The following SMAD7 variants were observed in gnomAD, a reference collection of about 807,000 sequenced individuals.
The protein encoded by SMAD7 is MAD (mothers against decapentaplegic, Drosophila) homolog 7.
Under a neutral mutation model 38.7 loss-of-function variants are expected in SMAD7, and 8 were observed. The observed-to-expected ratio is 0.21, with a 90% CI of 0.12 to 0.37. The LOEUF is 0.37. Among genes scored for constraint, SMAD7 ranks in the 10% least tolerant of loss-of-function variants. The pLI is 1.00. For missense variants in SMAD7, 477 were observed against 577.9 expected (o/e 0.83, Z 1.79); for synonymous variants, 327 against 265.1 (o/e 1.23, Z -2.27).
intron 3 of SMAD7, among the ~76,000 whole-genome samples, chr18:48,941,626 C>T (rs1171709459): frequency 3.3e-5 from 5 of 152,176 alleles, no homozygotes; most frequent in Non-Finnish European, 5.9e-5. Flanking sequence ...TTTTTAAGGT[C>T]GTTTTCCCTC....
In SMAD7 at chr18:48,950,274, C is replaced by T. The variant is rs1209988822; in HGVS notation, c.151G>A (p.Gly51Ser). 2.6e-6 allele frequency: 4 copies of T among 1,524,944 alleles called. No homozygotes were observed. Among genetic ancestry groups the T allele is most frequent in the Middle Eastern group, 1.7e-4 (1 of 5,774 alleles). 94.5% of individuals were successfully genotyped at this position (1,524,944 alleles called of 1,614,324 possible). Reference protein sequence around the residue: ...GATDSRAHGAGGGGPGRAGCC... With the variant: ...GATDSRAHGASGGGPGRAGCC... ...CCAGCCCTGCCCGGGCCGCCGCCAC[C>T]GGCCCCATGCGCTCGGCTGTCCGTC... The change falls in exon 1 of 4, where the codon GGT (glycine) becomes AGT (serine). Residue 51 changes from glycine to serine, a missense_variant. Physicochemically the swap from Gly to Ser is moderately conservative, Grantham distance 56. This residue lies in a region of SMAD7 where 376 missense variants were observed against 379.4 expected (regional missense o/e 0.99). Coordinates refer to ENST00000262158, the MANE Select transcript of SMAD7 (RefSeq NM_005904.4).
intron 1 of SMAD7, 195 bp from the exon 2 acceptor site, chr18:48,948,632 C>A (rs574276293): frequency 7.2e-6 from 3 of 419,420 alleles, no homozygotes; most frequent in Non-Finnish European, 1.3e-5. Flanking sequence ...CCAGCCTCGG[C>A]GCTCCGCTCC....
At chr18:48,936,117 CCA>C (rs1413249314) in intron 3 of SMAD7, among the ~76,000 whole-genome samples, 1 of 14,244 alleles carries the variant, frequency 7.0e-5, no homozygotes, top group Non-Finnish European at 1.3e-4. Flanking sequence ...CACACACACA[CCA>C]CACACACACA....
intron 2 of SMAD7, among the ~76,000 whole-genome samples, chr18:48,944,917 C>G (rs2070179605): frequency 6.6e-6 from 1 of 152,330 alleles, no homozygotes; most frequent in East Asian, 1.9e-4. Context: ...AAGACTCATT[C>G]CTTTCTCCGA....
chr18:48,941,585 C>T (rs1438729069), intron 3 of SMAD7, among the ~76,000 whole-genome samples: 1 of 152,186 alleles, frequency 6.6e-6, no homozygotes, highest in East Asian at 1.9e-4. Flanking sequence ...CAAGGAAATG[C>T]CAAATGCCCA....
chr18:48,921,614 G>T lies in SMAD7; in HGVS notation c.1039C>A (p.Leu347Met). The T allele has an allele frequency of 6.2e-7, 1 of 1,613,452 alleles. No homozygotes were observed. Among genetic ancestry groups the T allele is most frequent in the Non-Finnish European group, 8.5e-7 (1 of 1,179,312 alleles). Residue 347 changes from leucine (L) to methionine (M), a missense_variant, in exon 4 of 4, where the codon CTG becomes ATG. This residue lies in a region of SMAD7 where 101 missense variants were observed against 198.5 expected (regional missense o/e 0.51). Coordinates refer to ENST00000262158, the MANE Select transcript of SMAD7 (RefSeq NM_005904.4). This position sits in a 1 kb window ranked among gnomAD's most constrained non-coding sequence, Gnocchi z 6.4. ...AGCGTCCTGGAGTCCGGGTTGTCCA[G>T]TGTGGCGGACTTGATGAAGATGGGG... ...SYPIFIKSAT[L>M]DNPDSRTLLV...
chr18:48,929,991 G>A (rs1053114776), intron 3 of SMAD7: 1 of 152,032 alleles, frequency 6.6e-6, no homozygotes, highest in Non-Finnish European at 1.5e-5. Flanking sequence ...AAAACTGTTG[G>A]ATGGGATGGC....
rs200233784 is a variant in SMAD7 at position 48,921,477 on chromosome 18, G to A, written c.1176C>T (p.Gly392=). 5.0e-6 allele frequency: 8 copies of A among 1,614,192 alleles called. No homozygotes were observed. Among genetic ancestry groups the A allele is most frequent in the African/African-American group, 1.3e-5 (1 of 75,068 alleles). Residue 392 remains glycine, a synonymous_variant, in exon 4 of 4, where the codon GGC becomes GGT. Coordinates refer to ENST00000262158, the MANE Select transcript of SMAD7 (RefSeq NM_005904.4). This position sits in a 1 kb window ranked among gnomAD's most constrained non-coding sequence, Gnocchi z 6.4. The part of the protein sequence containing the change: ...DHEFMQQPWT[G]FTVQISFVKG... ...TCACAAAGCTGATCTGCACGGTAAA[G>A]CCCGTCCACGGCTGCTGCATAAACT...
Position 48,950,011 on chromosome 18 carries a change from C to G in SMAD7, c.414G>C (p.Pro138=). Residue 138 remains proline (P), a synonymous_variant, in exon 1 of 4, where the codon CCG becomes CCC. Coordinates refer to ENST00000262158, the MANE Select transcript of SMAD7 (RefSeq NM_005904.4). ...CAGGCTGCGCGCCGGCGGGCGCCCC[C>G]GGGCCCAGCCTGCAGTCCAGGCGGC... ...LPGRLDCRLG[P]GAPAGAQPAQ... is the part of the protein sequence containing the mutation. 3.8e-6 allele frequency: 6 copies of G among 1,568,806 alleles called. No individual in the cohort carries two copies. The highest frequency in any genetic ancestry group is 4.3e-6 in the Non-Finnish European group (5 of 1,159,502).
chr18:48,940,025 G>A (rs565457159), intron 3 of SMAD7, among the ~76,000 whole-genome samples: 1 of 152,050 alleles, frequency 6.6e-6, no homozygotes, highest in Admixed American at 6.6e-5. Flanking sequence ...GGCCAATAAA[G>A]TTCCCTTTTG....
In SMAD7 at chr18:48,920,876, C is replaced by T. The variant is rs1568296200; in HGVS notation, c.*496G>A. 6.5e-6 allele frequency: 1 copy of T among 154,172 alleles called. No homozygotes were observed. The highest frequency in any genetic ancestry group is 1.4e-5 in the Non-Finnish European group (1 of 69,502). 9.6% of individuals were successfully genotyped at this position (154,172 alleles called of 1,614,324 possible). ...AGCTTGCCCAGGTACTGCCTCTGCC[C>T]CACTGAGCGTGTCCAAGGGGCAGGA... is the stretch of plus-strand genomic sequence containing the variant. On this transcript the variant is annotated 3_prime_UTR_variant, in exon 4 of 4. Coordinates refer to ENST00000262158, the MANE Select transcript of SMAD7 (RefSeq NM_005904.4).
intron 3 of SMAD7, among the ~76,000 whole-genome samples, chr18:48,924,074 T>A (rs1367032827): frequency 6.6e-6 from 1 of 152,170 alleles, no homozygotes; most frequent in Non-Finnish European, 1.5e-5. Flanking sequence ...GAGAAAGCCC[T>A]CTTCCGGGAG....
At chr18:48,935,589 T>A (rs2337105) in intron 3 of SMAD7, among the ~76,000 whole-genome samples, 1 of 152,108 alleles carries the variant, frequency 6.6e-6, no homozygotes, top group Non-Finnish European at 1.5e-5. Context: ...CCTGGCACCA[T>A]CCTGGTTCGC....
In SMAD7 at chr18:48,948,356, C is replaced by G. The variant is rs113819070; in HGVS notation, c.667+28G>C. 1.9e-5 allele frequency: 29 copies of G among 1,514,350 alleles called. No homozygotes were observed. In the African/African-American group the frequency reaches 2.4e-4, roughly 12 times the overall value. The allele number at this position is 1,514,350 out of a possible 1,614,324, so 93.8% of individuals were successfully genotyped here. ...GGCTCTATTTCTAACTTAAGATAAG[C>G]AGGATATTTTAAAAATCATCTACTC... is the stretch of plus-strand genomic sequence containing the variant. On this transcript the variant is annotated intron_variant, in intron 2 of 3. Coordinates refer to ENST00000262158, the MANE Select transcript of SMAD7 (RefSeq NM_005904.4).
rs1399732884 is a variant in SMAD7 at position 48,950,660 on chromosome 18, C to T, written c.-236G>A. The T allele has an allele frequency of 6.7e-6, 1 of 150,360 alleles. No homozygotes were observed. Among genetic ancestry groups the T allele is most frequent in the Non-Finnish European group, 1.5e-5 (1 of 68,718 alleles). The allele number at this position is 150,360 out of a possible 1,614,324, so 9.3% of individuals were successfully genotyped here. A position where few individuals can be genotyped will look rare whatever the true frequency, so the allele number is the denominator to read the frequency against. ...GGGGCGCCCGCCGGGGATCGGGGGC[C>T]TGCGCTCCGGCTGCCCCACCCCGCG... On this transcript the variant is annotated 5_prime_UTR_variant, in exon 1 of 4. Transcript: ENST00000262158.
chr18:48,949,641 A>C (rs750820788), intron 1 of SMAD7, among the ~76,000 whole-genome samples, 171 bp downstream of exon 1: 20 of 151,048 alleles, frequency 1.3e-4, no homozygotes, highest in Non-Finnish European at 2.5e-4. Context: ...TTCAGCCCCC[A>C]GTCTCTTCCC....
At chr18:48,946,585 GGTGA>G (rs2070198593) in intron 2 of SMAD7, among the ~76,000 whole-genome samples, 1 of 151,984 alleles carries the variant, frequency 6.6e-6, no homozygotes, top group Non-Finnish European at 1.5e-5. Context: ...AAACGTTTTG[GGTGA>G]GTAACCAGCT....
chr18:48,930,616 C>T (rs1467436829), intron 3 of SMAD7, among the ~76,000 whole-genome samples: 1 of 152,146 alleles, frequency 6.6e-6, no homozygotes, highest in East Asian at 1.9e-4. Context: ...CGCGCAGGGA[C>T]AGACTGTCCC....
In SMAD7 at chr18:48,937,264, ATGTGTGTG is replaced by A. The variant is rs71165354; in HGVS notation, c.742+5209_742+5216del. Among the ~76,000 whole-genome samples the A allele has an allele frequency of 3.0e-3, 359 of 119,874 alleles. 3 individuals are homozygous for A. Among genetic ancestry groups the A allele is most frequent in the African/African-American group, 0.011 (326 of 29,880 alleles). 78.6% of individuals were successfully genotyped at this position (119,874 alleles called of 152,430 possible). On this transcript the variant is annotated intron_variant, in intron 3 of 3. Coordinates refer to ENST00000262158, the MANE Select transcript of SMAD7 (RefSeq NM_005904.4). ...CAGTCAGGCTTTGCTAAGTAAAGGC[ATGTGTGTG>A]TGTGTGTGTGTGTGTGTGTGTGTGT...
Sources: allele counts gnomAD v4.1 joint callset (sites outside exome capture counted in the v4.1 genomes callset), GRCh38; gene constraint gnomAD v4.1.1; regional missense constraint gnomAD v4.1.1; non-coding constraint Gnocchi (gnomAD v3.1); transcripts MANE v1.5; gene names NCBI Gene and HGNC (gene_info 2026-07-23, HGNC 2026-07-21).